Variants in NCAM2 observed in about 807,000 individuals in gnomAD.
The protein encoded by NCAM2 is neural cell adhesion molecule 2.
A neutral mutation model predicts 98.1 loss-of-function variants in NCAM2; 30 were observed. That is an observed-to-expected ratio of 0.31 (90% confidence interval 0.23 to 0.41). The LOEUF is 0.41. Ranked by LOEUF, NCAM2 falls within the 10% of genes least tolerant of loss-of-function variation. The pLI, the probability that NCAM2 is intolerant of heterozygous loss-of-function variation, is 1.00. For missense variants in NCAM2, 867 were observed against 1,005.8 expected (o/e 0.86, Z 1.87); for synonymous variants, 368 against 342.4 (o/e 1.07, Z -0.83).
intron 6 of NCAM2, among the ~76,000 whole-genome samples, chr21:21,333,323 A>G (rs1235519246): frequency 6.6e-6 from 1 of 152,190 alleles, no homozygotes; most frequent in Non-Finnish European, 1.5e-5. Flanking sequence ...CCTCTACTTC[A>G]AAGGCCAAAT....
At chr21:21,199,858 T>C (rs1170336092) in intron 1 of NCAM2, among the ~76,000 whole-genome samples, 4 of 152,022 alleles carry the variant, frequency 2.6e-5, no homozygotes, top group Non-Finnish European at 4.4e-5. Context: ...CTTCTGTTTG[T>C]CAAAATGGTT....
At chr21:21,336,947 G>A (rs2074888699) in intron 7 of NCAM2, among the ~76,000 whole-genome samples, 1 of 152,150 alleles carries the variant, frequency 6.6e-6, no homozygotes, top group African/African-American at 2.4e-5. Context: ...ATGATCAGAA[G>A]TAGGCCAAGC....
intron 6 of NCAM2, among the ~76,000 whole-genome samples, 170 bp from the exon 7 acceptor site, chr21:21,335,335 A>C (rs963402590): frequency 2.0e-5 from 3 of 152,166 alleles, no homozygotes; most frequent in Non-Finnish European, 4.4e-5. Context: ...TTTATTGTTT[A>C]TTCGTTAAGT....
chr21:21,320,736 C>A (rs1378640785), intron 5 of NCAM2, among the ~76,000 whole-genome samples: 2 of 152,038 alleles, frequency 1.3e-5, no homozygotes, highest in Non-Finnish European at 2.9e-5. Context: ...AAATACTAGT[C>A]ATTCTTTACC....
In NCAM2 at chr21:21,508,841, A is replaced by ATTTTTTTTTTTTTT; in HGVS notation, c.2078-10_2078-9insTTTTTTTTTTTTTT. The ATTTTTTTTTTTTTT allele has an allele frequency of 2.8e-6, 1 of 357,596 alleles. No homozygotes were observed. Among genetic ancestry groups the ATTTTTTTTTTTTTT allele is most frequent in the Non-Finnish European group, 4.2e-6 (1 of 239,258 alleles). 22.2% of individuals were successfully genotyped at this position (357,596 alleles called of 1,614,324 possible). A position where few individuals can be genotyped will look rare whatever the true frequency, so the allele number is the denominator to read the frequency against. On this transcript the variant is annotated splice_polypyrimidine_tract_variant and intron_variant, in intron 15 of 17. Transcript: ENST00000400546. ...TTTTTTTTTTTTTTTTTTTTTTTTT[A>ATTTTTTTTTTTTTT]CTTTTTAAGACACGCTGTTTAATGG...
chr21:21,031,163 A>G (rs1311646886), intron 1 of NCAM2, among the ~76,000 whole-genome samples: 2 of 151,898 alleles, frequency 1.3e-5, no homozygotes, highest in Non-Finnish European at 2.9e-5. Context: ...ACTACTTTAT[A>G]AATAATTATC....
chr21:21,231,072 A>T (rs957533976), intron 1 of NCAM2, among the ~76,000 whole-genome samples: 2 of 151,400 alleles, frequency 1.3e-5, no homozygotes, highest in African/African-American at 4.8e-5. Context: ...TTCTGGCAAG[A>T]TGAGTGATTG....
chr21:21,378,578 A>G (rs1347132677), intron 9 of NCAM2, among the ~76,000 whole-genome samples: 1 of 152,012 alleles, frequency 6.6e-6, no homozygotes, highest in African/African-American at 2.4e-5. Flanking sequence ...TTAACCCTCT[A>G]TCAGATGTGT....
chr21:21,335,089 T>C (rs1251542385), intron 6 of NCAM2, among the ~76,000 whole-genome samples: 1 of 152,076 alleles, frequency 6.6e-6, no homozygotes, highest in African/African-American at 2.4e-5. Context: ...ATTTTCTACA[T>C]AAATTATTTT....
At chr21:21,526,654 A>G (rs961257808) in intron 16 of NCAM2, among the ~76,000 whole-genome samples, 3 of 152,156 alleles carry the variant, frequency 2.0e-5, no homozygotes, top group African/African-American at 7.2e-5. Context: ...AGAGGCAAAA[A>G]GACCCACAAT....
At chr21:21,310,474 G>A (rs978050467) in intron 5 of NCAM2, among the ~76,000 whole-genome samples, 2 of 152,116 alleles carry the variant, frequency 1.3e-5, no homozygotes, top group Non-Finnish European at 2.9e-5. Flanking sequence ...AACTGAAGTA[G>A]AAACAGGCAT....
intron 1 of NCAM2, among the ~76,000 whole-genome samples, chr21:21,246,526 C>T (rs962231697): frequency 1.6e-4 from 25 of 151,996 alleles, no homozygotes; most frequent in African/African-American, 3.9e-4. Context: ...AATTCAAAAA[C>T]GTATGTAATA....
chr21:21,439,094 T>G (rs1405075565), intron 12 of NCAM2, among the ~76,000 whole-genome samples: 2 of 148,874 alleles, frequency 1.3e-5, no homozygotes, highest in Non-Finnish European at 3.0e-5. Context: ...TCTAAAAAAA[T>G]AAATAAATAA....
intron 1 of NCAM2, among the ~76,000 whole-genome samples, chr21:21,230,933 T>C (rs541224072): frequency 1.6e-4 from 24 of 151,458 alleles, no homozygotes; most frequent in Non-Finnish European, 3.1e-4. Flanking sequence ...TATTTTATTA[T>C]AGAAAGAGAT....
chr21:21,084,827 A>C (rs372336492), intron 1 of NCAM2, among the ~76,000 whole-genome samples: 1 of 152,180 alleles, frequency 6.6e-6, no homozygotes, highest in Admixed American at 6.5e-5. Context: ...TGAATATAGG[A>C]GTTAAAATTA....
intron 1 of NCAM2, among the ~76,000 whole-genome samples, chr21:21,174,768 T>A (rs1440892997): frequency 6.6e-6 from 1 of 151,858 alleles, no homozygotes; most frequent in Non-Finnish European, 1.5e-5. Context: ...ATAATACAAT[T>A]ACAAATAAAG....
chr21:21,052,879 A>T (rs938395775), intron 1 of NCAM2, among the ~76,000 whole-genome samples: 1 of 152,204 alleles, frequency 6.6e-6, no homozygotes, highest in Non-Finnish European at 1.5e-5. Context: ...GTGTCCTCTT[A>T]AAAAATTTAG....
intron 15 of NCAM2, among the ~76,000 whole-genome samples, chr21:21,491,038 T>C (rs1986807785): frequency 6.6e-6 from 1 of 151,866 alleles, no homozygotes; most frequent in Non-Finnish European, 1.5e-5. Context: ...TCGAGTGTTG[T>C]CATATCTAAC....
At chr21:21,089,453 TA>T (rs1426415274) in intron 1 of NCAM2, among the ~76,000 whole-genome samples, 1 of 152,200 alleles carries the variant, frequency 6.6e-6, no homozygotes, top group Non-Finnish European at 1.5e-5. Flanking sequence ...AATCAAATTT[TA>T]AAAAACCACA....
Sources: allele counts gnomAD v4.1 joint callset (sites outside exome capture counted in the v4.1 genomes callset), GRCh38; gene constraint gnomAD v4.1.1; transcripts MANE v1.5; gene names NCBI Gene and HGNC (gene_info 2026-07-23, HGNC 2026-07-21).